The following AGBL1 variants were observed in gnomAD, a reference collection of about 807,000 sequenced individuals.
AGBL1 encodes the protein AGBL carboxypeptidase 1, also known as cytosolic carboxypeptidase 4.
Under a neutral mutation model 118.9 loss-of-function variants are expected in AGBL1, and 130 were observed. The observed-to-expected ratio is 1.09, with a 90% CI of 0.95 to 1.26. AGBL1 has a LOEUF of 1.26. Among genes scored for constraint, AGBL1 ranks in the 50% most tolerant of loss-of-function variants. AGBL1 has a pLI of 0.00. For synonymous variants in AGBL1, 555 were observed against 478.9 expected, an observed-to-expected ratio of 1.16 and a Z score of -2.08; for missense variants, 1,584 against 1,298.1, an observed-to-expected ratio of 1.22 and a Z score of -3.38.
intron 22 of AGBL1, among the ~76,000 whole-genome samples, chr15:86,855,234 T>C (rs898855735): frequency 1.3e-5 from 2 of 152,250 alleles, no homozygotes; most frequent in African/African-American, 4.8e-5. Context: ...CACGATGTTA[T>C]TGGGCAGCTA....
chr15:86,250,500 T>C (rs1252447428), intron 7 of AGBL1, among the ~76,000 whole-genome samples: 1 of 114,748 alleles, frequency 8.7e-6, no homozygotes, highest in Non-Finnish European at 1.6e-5. Context: ...CACTCCAGTC[T>C]GGGCAACAGA....
In AGBL1 at chr15:86,613,443, G is replaced by A. The variant is rs1020995880; in HGVS notation, c.2994+58906G>A. 4.6e-5 allele frequency among the ~76,000 whole-genome samples: 7 copies of A among 152,208 alleles called. No homozygotes were observed. Among genetic ancestry groups the A allele is most frequent in the African/African-American group, 1.7e-4 (7 of 41,460 alleles). The stretch of plus-strand genomic sequence containing the variant: ...AAGCTGCTTAGCCAGATGAGTGGCA[G>A]GAGGAGCTGTGGGCATTTAGCTCAG... On this transcript the variant is annotated intron_variant, in intron 21 of 22. Coordinates refer to ENST00000614907, the MANE Select transcript of AGBL1 (RefSeq NM_001386094.1). This position sits in a 1 kb window ranked among gnomAD's most constrained non-coding sequence, Gnocchi z 4.2.
chr15:86,358,702 A>T, intron 17 of AGBL1, among the ~76,000 whole-genome samples: 1 of 151,772 alleles, frequency 6.6e-6, no homozygotes, highest in South Asian at 2.1e-4. Flanking sequence ...TCTTTTTTAA[A>T]TAATAGCCAT....
At chr15:86,145,604 A>G (rs1683403322) in intron 3 of AGBL1, among the ~76,000 whole-genome samples, 1 of 152,132 alleles carries the variant, frequency 6.6e-6, no homozygotes, top group African/African-American at 2.4e-5. Context: ...TTGGATCTCC[A>G]CGCTGAGTCC....
At chr15:86,249,633 G>A (rs763519731) in intron 7 of AGBL1, among the ~76,000 whole-genome samples, 1 of 152,050 alleles carries the variant, frequency 6.6e-6, no homozygotes, top group Admixed American at 6.5e-5. Flanking sequence ...CAGTCCTTGT[G>A]CAATGCCCTC....
chr15:86,813,855 C>A (rs2078824799), intron 22 of AGBL1, among the ~76,000 whole-genome samples: 1 of 152,286 alleles, frequency 6.6e-6, no homozygotes, highest in Admixed American at 6.5e-5. Flanking sequence ...AGTGCAAATC[C>A]CATGAACTTT....
At chr15:86,464,037 G>A (rs1292494204) in intron 18 of AGBL1, among the ~76,000 whole-genome samples, 6 of 152,144 alleles carry the variant, frequency 3.9e-5, no homozygotes, top group African/African-American at 1.4e-4. Context: ...GTGGCAGTAT[G>A]GCCATTTTCA....
chr15:86,472,480 A>T (rs1235019155), intron 18 of AGBL1, among the ~76,000 whole-genome samples: 1 of 152,320 alleles, frequency 6.6e-6, no homozygotes, highest in East Asian at 1.9e-4. Context: ...TGGTAAGTAG[A>T]TGCACTTCCT....
In AGBL1 at chr15:86,106,639, C is replaced by T. The variant is rs146875992; in HGVS notation, c.51+26616C>T. ...ACAGAACACTTCCTTCATCCCCAGT[C>T]CAAAATGTCAACAGTGCCAAAGTTG... is the stretch of plus-strand genomic sequence containing the variant. On this transcript the variant is annotated intron_variant, in intron 1 of 22. Transcript: ENST00000614907. Among the ~76,000 whole-genome samples the T allele has an allele frequency of 6.7e-3, 1,014 of 152,324 alleles. 7 individuals are homozygous for T. The highest frequency in any genetic ancestry group is 0.014 in the Middle Eastern group (4 of 294).
chr15:86,526,807 T>G (rs944885035), intron 19 of AGBL1, among the ~76,000 whole-genome samples: 7 of 152,004 alleles, frequency 4.6e-5, no homozygotes, highest in Non-Finnish European at 8.8e-5. Flanking sequence ...GCTACGGGTA[T>G]GCAAAGGCAT....
chr15:86,796,566 T>A (rs1024238593), intron 22 of AGBL1, among the ~76,000 whole-genome samples: 2 of 152,244 alleles, frequency 1.3e-5, no homozygotes, highest in Admixed American at 6.5e-5. Context: ...TTTGGAGTTC[T>A]ACAGTCATTC....
At chr15:86,349,831 C>T (rs1428424309) in intron 17 of AGBL1, among the ~76,000 whole-genome samples, 1 of 152,162 alleles carries the variant, frequency 6.6e-6, no homozygotes, top group Non-Finnish European at 1.5e-5. Context: ...TTGGAAAGAG[C>T]TCTGGAAGGA....
At position 86,529,304 on chromosome 15, in the gene AGBL1, G is replaced by T. The variant is rs2083314089; in HGVS notation, c.2685+6365G>T. On this transcript the variant is annotated intron_variant, in intron 19 of 22. Transcript: ENST00000614907. ...GAAAACCAAGGCTCGAGAACTACGTGAAGAATGCAGAAGCCTCAGGAGCCG... is the reference window on the plus strand; with the variant it reads ...GAAAACCAAGGCTCGAGAACTACGTTAAGAATGCAGAAGCCTCAGGAGCCG... Among the ~76,000 whole-genome samples the T allele has an allele frequency of 2.2e-5, 3 of 135,242 alleles. 1 individual carries two copies. Among genetic ancestry groups the T allele is most frequent in the African/African-American group, 1.1e-4 (3 of 26,974 alleles). 88.7% of individuals were successfully genotyped at this position (135,242 alleles called of 152,430 possible).
chr15:86,532,065 T>G (rs1211835527), intron 19 of AGBL1, among the ~76,000 whole-genome samples: 1 of 151,290 alleles, frequency 6.6e-6, no homozygotes, highest in African/African-American at 2.4e-5. Context: ...AGGGATGCCC[T>G]CTCTCACCGC....
At chr15:86,800,560 G>A (rs535287705) in intron 22 of AGBL1, among the ~76,000 whole-genome samples, 1 of 152,148 alleles carries the variant, frequency 6.6e-6, no homozygotes, top group East Asian at 1.9e-4. Flanking sequence ...TTCTCACTTT[G>A]CATAACTGGT....
At chr15:86,919,223 G>A (rs1596634509), downstream of AGBL1, among the ~76,000 whole-genome samples, 1 of 152,060 alleles carries the variant, frequency 6.6e-6, no homozygotes, top group East Asian at 1.9e-4. Flanking sequence ...TAAGTGAGTG[G>A]CCCCTTCAAC....
intron 17 of AGBL1, among the ~76,000 whole-genome samples, chr15:86,376,839 T>C (rs562823605): frequency 1.2e-3 from 187 of 152,328 alleles, no homozygotes; most frequent in Admixed American, 1.9e-3. Context: ...GGGGGTCTCC[T>C]CTATGTAGCC....
intron 23 of AGBL1, among the ~76,000 whole-genome samples, chr15:86,933,421 C>T (rs1446844589): frequency 6.6e-6 from 1 of 152,124 alleles, no homozygotes; most frequent in Non-Finnish European, 1.5e-5. Flanking sequence ...TTCTATAGCT[C>T]ATTACAGCTC....
At chr15:86,524,167 C>G (rs774300188) in intron 19 of AGBL1, among the ~76,000 whole-genome samples, 12 of 152,134 alleles carry the variant, frequency 7.9e-5, no homozygotes, top group Non-Finnish European at 1.0e-4. Flanking sequence ...AATGAGATCA[C>G]CCAGAGGTGT....
Sources: allele counts gnomAD v4.1 joint callset (sites outside exome capture counted in the v4.1 genomes callset), GRCh38; gene constraint gnomAD v4.1.1; non-coding constraint Gnocchi (gnomAD v3.1); transcripts MANE v1.5; gene names NCBI Gene and HGNC (gene_info 2026-07-23, HGNC 2026-07-21).